The following NSUN6 variants were observed in gnomAD, a reference collection of about 807,000 sequenced individuals.
NSUN6 encodes tRNA (cytosine(72)-C(5))-methyltransferase NSUN6.
A neutral mutation model predicts 58.0 loss-of-function variants in NSUN6; 64 were observed. That is an observed-to-expected ratio of 1.10 (90% confidence interval 0.90 to 1.36). The LOEUF (loss-of-function observed/expected upper bound fraction) is 1.36, where lower values mean the gene tolerates loss of function less well. NSUN6 is among the 40% of genes most tolerant of loss of function. The pLI, the probability that NSUN6 is intolerant of heterozygous loss-of-function variation, is 0.00. For missense variants in NSUN6, 701 were observed against 550.1 expected, an observed-to-expected ratio of 1.27 and a Z score of -2.74; for synonymous variants, 231 against 193.9, an observed-to-expected ratio of 1.19 and a Z score of -1.59.
chr10:18,575,209 A>T (rs946839610), intron 8 of NSUN6, among the ~76,000 whole-genome samples: 11 of 152,180 alleles, frequency 7.2e-5, no homozygotes, highest in African/African-American at 2.4e-4. Context: ...GTTGTATAGG[A>T]ATTTATACCC....
Position 18,545,940 on chromosome 10 carries a change from C to A in NSUN6, c.1403G>T (p.Ser468Ile), listed in dbSNP as rs2054226637. 1 of 1,553,338 alleles carries A rather than the reference C, an allele frequency of 6.4e-7. No individual in the cohort carries two copies. The highest frequency in any genetic ancestry group is 8.8e-7 in the Non-Finnish European group (1 of 1,140,324). The stretch of plus-strand genomic sequence containing the variant: ...TGAGCATCCATCCCTCTCCTATGTG[C>A]TTTTGCATTTTACAAATTTTGCAAT... ...FFIAKFVKCK[S>I]T The change falls in exon 11 of 11, where the codon AGC becomes ATC. Residue 468 changes from serine to isoleucine, a missense_variant. Ser to Ile is a moderately radical substitution (Grantham distance 142). Transcript: ENST00000377304.
chr10:18,588,093 C>T (rs574824921), intron 7 of NSUN6, among the ~76,000 whole-genome samples: 56 of 152,244 alleles, frequency 3.7e-4, no homozygotes, highest in African/African-American at 1.1e-3. Context: ...GGTGGGCATC[C>T]GCCATTACTG....
intron 7 of NSUN6, among the ~76,000 whole-genome samples, chr10:18,590,285 C>A (rs752675472): frequency 4.6e-5 from 7 of 152,168 alleles, no homozygotes; most frequent in Non-Finnish European, 8.8e-5. Context: ...TACAAAGAGA[C>A]TTAAGACTCC....
intron 6 of NSUN6, among the ~76,000 whole-genome samples, chr10:18,597,076 C>CA (rs1297402393): frequency 6.6e-6 from 1 of 152,040 alleles, no homozygotes; most frequent in Non-Finnish European, 1.5e-5. Flanking sequence ...ACGACAACAA[C>CA]AAAAAACCTC....
intron 3 of NSUN6, among the ~76,000 whole-genome samples, chr10:18,641,567 G>C (rs1432090676): frequency 1.3e-5 from 2 of 151,772 alleles, no homozygotes; most frequent in African/African-American, 4.8e-5. Context: ...GTAAGGTTTT[G>C]CCATGTTGCC....
intron 6 of NSUN6, among the ~76,000 whole-genome samples, chr10:18,607,627 C>G (rs1451225808): frequency 1.3e-5 from 2 of 152,202 alleles, no homozygotes; most frequent in Non-Finnish European, 2.9e-5. Flanking sequence ...ACCCCCTGAA[C>G]TTGGAACTCA....
At chr10:18,561,107 A>G (rs1300004776) in intron 8 of NSUN6, among the ~76,000 whole-genome samples, 3 of 134,988 alleles carry the variant, frequency 2.2e-5, no homozygotes, top group East Asian at 2.5e-4. Context: ...GAATGGAAAA[A>G]GGAATAGAAT....
chr10:18,582,600 G>A (rs957567489), intron 8 of NSUN6, among the ~76,000 whole-genome samples: 1 of 152,164 alleles, frequency 6.6e-6, no homozygotes. Flanking sequence ...CATATTCATT[G>A]GATCAGATGG....
intron 10 of NSUN6, 71 bp from the exon 11 acceptor site, chr10:18,546,216 T>A: frequency 3.7e-6 from 4 of 1,077,300 alleles, no homozygotes; most frequent in Non-Finnish European, 4.3e-6. Context: ...ACAATTTAAG[T>A]TAAAAGACAA....
intron 8 of NSUN6, among the ~76,000 whole-genome samples, chr10:18,585,658 C>T (rs1429211326): frequency 6.6e-6 from 1 of 151,958 alleles, no homozygotes; most frequent in African/African-American, 2.4e-5. Flanking sequence ...GGAGGGAGGA[C>T]CAAGGAATGG....
intron 9 of NSUN6, among the ~76,000 whole-genome samples, chr10:18,550,869 C>T (rs1051360156): frequency 2.6e-5 from 4 of 151,920 alleles, no homozygotes; most frequent in Non-Finnish European, 5.9e-5. Flanking sequence ...GGACTACAGG[C>T]GCCCACAACC....
At chr10:18,632,997 G>A (rs1419035775) in intron 3 of NSUN6, among the ~76,000 whole-genome samples, 6 of 151,904 alleles carry the variant, frequency 3.9e-5, no homozygotes, top group African/African-American at 1.5e-4. Context: ...CAAAGACTTG[G>A]AACCAACCCA....
chr10:18,564,588 T>TCA (rs1254947411), intron 8 of NSUN6, among the ~76,000 whole-genome samples: 1 of 149,568 alleles, frequency 6.7e-6, no homozygotes, highest in South Asian at 2.1e-4. Context: ...TCATTCCATT[T>TCA]CATTCTCCAT....
chr10:18,578,659 T>C (rs2056773238), intron 8 of NSUN6, among the ~76,000 whole-genome samples: 1 of 152,188 alleles, frequency 6.6e-6, no homozygotes, highest in South Asian at 2.1e-4. Context: ...CTAAATTCTC[T>C]CTACTGAAAT....
At chr10:18,569,173 C>G (rs889078366) in intron 8 of NSUN6, among the ~76,000 whole-genome samples, 2 of 151,078 alleles carry the variant, frequency 1.3e-5, no homozygotes, top group African/African-American at 4.9e-5. Context: ...ATTCTCTATT[C>G]CATTCCATTC....
intron 8 of NSUN6, among the ~76,000 whole-genome samples, chr10:18,561,703 AATGGAATAGAATGGAGAAAGGAATAGAAT>A (rs1564721352): frequency 1.3e-4 from 19 of 151,422 alleles, no homozygotes; most frequent in East Asian, 2.0e-4. Flanking sequence ...TAGAATGGAG[AATGGAATAGAATGGAGAAAGGAATAGAAT>A]ATGGAATAGA....
chr10:18,609,570 G>A (rs887391702), intron 6 of NSUN6, among the ~76,000 whole-genome samples: 21 of 152,220 alleles, frequency 1.4e-4, no homozygotes, highest in African/African-American at 4.6e-4. Flanking sequence ...AATATTCAGG[G>A]ATTAGTATTT....
rs758547698 is a variant in NSUN6, at chr10:18,648,647, TA to T, written c.76-3del. Reference sequence around the variant, plus strand: ...TTGTTTACCTAAAGCAGTCACAATCTAAAAAGAAGTTCATGTTTAAATTTCC... The same window carrying T: ...TTGTTTACCTAAAGCAGTCACAATCTAAAAGAAGTTCATGTTTAAATTTCC... On this transcript the variant is annotated splice_region_variant and splice_polypyrimidine_tract_variant and intron_variant, in intron 1 of 10. Transcript: ENST00000377304. 4 of 1,456,342 alleles carry T rather than the reference TA, an allele frequency of 2.7e-6. No homozygotes were observed. In the South Asian group the frequency reaches 4.8e-5, roughly 17 times the overall value. 90.2% of individuals were successfully genotyped at this position (1,456,342 alleles called of 1,614,324 possible).
chr10:18,585,276 T>C (rs775343597), intron 8 of NSUN6, among the ~76,000 whole-genome samples: 12 of 152,028 alleles, frequency 7.9e-5, no homozygotes, highest in Non-Finnish European at 1.3e-4. Context: ...CAAAAGTAAA[T>C]AGAACTACCA....
Sources: gnomAD v4.1 joint callset for allele counts (sites outside exome capture counted in the v4.1 genomes callset) on GRCh38, gnomAD v4.1.1 for gene constraint, MANE v1.5 for transcripts, NCBI Gene and HGNC (gene_info 2026-07-23, HGNC 2026-07-21) for gene names.